The following PARD3B variants were observed in gnomAD, a reference collection of about 807,000 sequenced individuals.
The protein encoded by PARD3B is par-3 family cell polarity regulator beta, also known as partitioning defective 3 homolog B.
Under a neutral mutation model 130.2 loss-of-function variants are expected in PARD3B, and 103 were observed. The observed-to-expected ratio is 0.79, with a 90% CI of 0.67 to 0.93. The LOEUF (loss-of-function observed/expected upper bound fraction) is 0.93. Among genes scored for constraint, PARD3B ranks in the 40% least tolerant of loss-of-function variants. PARD3B has a pLI of 0.00. For synonymous variants in PARD3B, 583 were observed against 553.2 expected (o/e 1.05, Z -0.76); for missense variants, 1,609 against 1,499.2 (o/e 1.07, Z -1.21).
At chr2:205,322,889 C>CTTTTTTTTTTTTTTTTTTTTTTTTTTT in intron 18 of PARD3B, among the ~76,000 whole-genome samples, 1 of 51,468 alleles carries the variant, frequency 1.9e-5, no homozygotes, top group Non-Finnish European at 3.8e-5. Context: ...ATTAACACCT[C>CTTTTTTTTTTTTTTTTTTTTTTTTTTT]TTTTTTTTTT....
Position 204,825,573 on chromosome 2 carries a change from A to G in PARD3B, c.222+139291A>G, listed in dbSNP as rs540234968. On this transcript the variant is annotated intron_variant, in intron 2 of 22. Transcript: ENST00000406610. ...TTCTTTGCGAGCTCTTTCATTGCAC[A>G]TAGCAGCAATATTTTCAGTGAAGAC... is the stretch of plus-strand genomic sequence containing the variant. Among the ~76,000 whole-genome samples the G allele has an allele frequency of 2.1e-4, 32 of 152,360 alleles. No individual in the cohort carries two copies. The South Asian group carries it at 6.4e-3, about 31-fold the overall frequency.
intron 1 of PARD3B, among the ~76,000 whole-genome samples, chr2:204,616,042 C>G (rs2034098824): frequency 1.3e-5 from 2 of 152,050 alleles, no homozygotes; most frequent in Admixed American, 6.6e-5. Context: ...TAGGAGAAAA[C>G]CTAGATGACC....
At chr2:205,455,322 C>G (rs189112463) in intron 20 of PARD3B, among the ~76,000 whole-genome samples, 74 of 152,188 alleles carry the variant, frequency 4.9e-4, no homozygotes, top group Admixed American at 3.8e-3. Context: ...ATGCTAAGAA[C>G]AGATTCCAAA....
chr2:204,790,548 T>C (rs2042164770), intron 2 of PARD3B, among the ~76,000 whole-genome samples: 1 of 152,130 alleles, frequency 6.6e-6, no homozygotes, highest in Admixed American at 6.6e-5. Context: ...CTGGTACCAG[T>C]GACTGACTGA....
At chr2:205,245,715 G>C (rs2039542486) in intron 15 of PARD3B, 63 bp from the exon 16 acceptor site, 1 of 1,317,676 alleles carries the variant, frequency 7.6e-7, no homozygotes. Context: ...TTAATTTACT[G>C]TTTAAAAATT....
At chr2:205,152,390 G>T (rs934363423) in intron 10 of PARD3B, among the ~76,000 whole-genome samples, 4 of 152,286 alleles carry the variant, frequency 2.6e-5, no homozygotes, top group African/African-American at 7.2e-5. Flanking sequence ...TCACTTTCAG[G>T]TATACCAATC....
At chr2:204,758,719 C>A (rs981419667) in intron 2 of PARD3B, among the ~76,000 whole-genome samples, 2 of 152,160 alleles carry the variant, frequency 1.3e-5, no homozygotes, top group Admixed American at 6.6e-5. Flanking sequence ...CATATATTTT[C>A]TTTGCACCAC....
chr2:204,665,513 A>G (rs2035984445), intron 1 of PARD3B, among the ~76,000 whole-genome samples: 1 of 152,132 alleles, frequency 6.6e-6, no homozygotes, highest in South Asian at 2.1e-4. Context: ...CACGCCTATG[A>G]TCCCTTCTGT....
chr2:205,426,096 C>G (rs1208304262), intron 19 of PARD3B, among the ~76,000 whole-genome samples: 1 of 151,990 alleles, frequency 6.6e-6, no homozygotes, highest in Non-Finnish European at 1.5e-5. Context: ...ATGGGCGGTA[C>G]TGAAGGAGAT....
intron 2 of PARD3B, among the ~76,000 whole-genome samples, chr2:204,690,517 C>T (rs922097634): frequency 1.3e-5 from 2 of 152,042 alleles, no homozygotes; most frequent in African/African-American, 2.4e-5. Context: ...GAAAGACACA[C>T]CCAGCCAATG....
chr2:204,945,437 C>T (rs1412123019), intron 2 of PARD3B, among the ~76,000 whole-genome samples: 1 of 152,112 alleles, frequency 6.6e-6, no homozygotes, highest in Non-Finnish European at 1.5e-5. Flanking sequence ...AGAAGCTCCT[C>T]AAAGGGAAAG....
At chr2:205,199,401 A>G (rs2036864188) in intron 15 of PARD3B, among the ~76,000 whole-genome samples, 1 of 152,164 alleles carries the variant, frequency 6.6e-6, no homozygotes, top group African/African-American at 2.4e-5. Context: ...TATGTAGAAA[A>G]GAGGAAGAGA....
chr2:205,311,124 G>C (rs148031743), intron 18 of PARD3B, among the ~76,000 whole-genome samples: 1 of 152,132 alleles, frequency 6.6e-6, no homozygotes, highest in Non-Finnish European at 1.5e-5. Flanking sequence ...TGTGAATAGC[G>C]CTGCAATTAA....
chr2:204,831,989 G>A (rs1398735376), intron 2 of PARD3B, among the ~76,000 whole-genome samples: 6 of 152,168 alleles, frequency 3.9e-5, no homozygotes, highest in Admixed American at 1.3e-4. Context: ...TTGGGAGGCC[G>A]AGATGGGCGG....
At chr2:205,298,438 A>G (rs944002783) in intron 16 of PARD3B, among the ~76,000 whole-genome samples, 2 of 151,966 alleles carry the variant, frequency 1.3e-5, no homozygotes, top group Admixed American at 1.3e-4. Context: ...ATAGTGACAT[A>G]TCCTCAGTAT....
intron 2 of PARD3B, among the ~76,000 whole-genome samples, chr2:204,894,308 A>G (rs2046561622): frequency 1.3e-5 from 2 of 152,158 alleles, no homozygotes; most frequent in African/African-American, 4.8e-5. Context: ...TTATACAGAC[A>G]TTTTCTTTAA....
chr2:204,630,265 G>C (rs537010659), intron 1 of PARD3B, among the ~76,000 whole-genome samples: 1 of 152,064 alleles, frequency 6.6e-6, no homozygotes, highest in Non-Finnish European at 1.5e-5. Flanking sequence ...AGGGTAGTGG[G>C]GTTTGTGTGT....
intron 1 of PARD3B, among the ~76,000 whole-genome samples, chr2:204,600,033 AT>A (rs199843545): frequency 3.5e-4 from 53 of 149,306 alleles, no homozygotes; most frequent in African/African-American, 1.2e-3. Flanking sequence ...TTTAAATTGG[AT>A]TTTTTTTTGC....
rs2040475881 is a variant in PARD3B, at chr2:205,265,678, A to C, written c.2185+19856A>C. 6.6e-6 allele frequency among the ~76,000 whole-genome samples: 1 copy of C among 152,172 alleles called. No individual in the cohort carries two copies. Among genetic ancestry groups the C allele is most frequent in the East Asian group, 1.9e-4 (1 of 5,190 alleles). On this transcript the variant is annotated intron_variant, in intron 16 of 22. Transcript: ENST00000406610. This position sits in a 1 kb window ranked among gnomAD's most constrained non-coding sequence, Gnocchi z 4.3. The stretch of plus-strand genomic sequence containing the variant: ...TATTTTATAGGAAAACATTAGTAAC[A>C]AGAGAGATATCTTAATTTTTAAATT...
Sources: gnomAD v4.1 joint callset for allele counts (sites outside exome capture counted in the v4.1 genomes callset) on GRCh38, gnomAD v4.1.1 for gene constraint, Gnocchi (gnomAD v3.1) non-coding constraint, MANE v1.5 for transcripts, NCBI Gene and HGNC (gene_info 2026-07-23, HGNC 2026-07-21) for gene names.